The following ARHGAP11A variants were observed in gnomAD, a reference collection of about 807,000 sequenced individuals.
ARHGAP11A encodes the protein Rho GTPase activating protein 11A.
In ARHGAP11A, 36 loss-of-function variants were observed where a neutral mutation model predicts 60.5. The ratio of observed to expected loss-of-function variants is 0.59; its 90% confidence interval spans 0.46 to 0.79. The LOEUF is 0.79. Ranked by LOEUF, ARHGAP11A falls within the 30% of genes least tolerant of loss-of-function variation. The pLI, the probability that ARHGAP11A is intolerant of heterozygous loss-of-function variation, is 0.00. For synonymous variants in ARHGAP11A, 362 were observed against 415.5 expected, an observed-to-expected ratio of 0.87 and a Z score of 1.57; for missense variants, 1,071 against 1,199.2, an observed-to-expected ratio of 0.89 and a Z score of 1.58.
chr15:32,638,808 A>G lies in ARHGAP11A; in HGVS notation c.*963A>G, dbSNP rs1350131968. The G allele has an allele frequency of 6.5e-6, 1 of 152,682 alleles. No homozygotes were observed. Among genetic ancestry groups the G allele is most frequent in the African/African-American group, 2.4e-5 (1 of 41,460 alleles). The allele number at this position is 152,682 out of a possible 1,614,324, so 9.5% of individuals were successfully genotyped here. A position where few individuals can be genotyped will look rare whatever the true frequency, so the allele number is the denominator to read the frequency against. On this transcript the variant is annotated 3_prime_UTR_variant, in exon 12 of 12. Coordinates refer to ENST00000361627, the MANE Select transcript of ARHGAP11A (RefSeq NM_014783.6). ...TACTATGTTTTTAAAGATAATTTGC[A>G]CAAACACGTTTGTGTCTGTTCTGTC...
intron 6 of ARHGAP11A, among the ~76,000 whole-genome samples, chr15:32,627,034 A>T (rs1010413830): frequency 5.3e-5 from 8 of 152,202 alleles, no homozygotes; most frequent in African/African-American, 1.7e-4. Flanking sequence ...CCCAATGGAG[A>T]TATTTCTCAG....
rs2053129429 is a variant in ARHGAP11A, at chr15:32,615,999, G to A, written c.-213G>A. 6.3e-6 allele frequency: 4 copies of A among 639,730 alleles called. No homozygotes were observed. Among genetic ancestry groups the A allele is most frequent in the South Asian group, 4.4e-5 (2 of 45,780 alleles). 39.6% of individuals were successfully genotyped at this position (639,730 alleles called of 1,614,324 possible). On this transcript the variant is annotated 5_prime_UTR_variant, in exon 1 of 12. Transcript: ENST00000361627. ...GAGTGAGGTGTGGCTGGATCAAAGG[G>A]CTAAGAGAAGCGGGTCTGTGTAAGT...
chr15:32,636,515 G>T lies in ARHGAP11A; in HGVS notation c.1742G>T (p.Ser581Ile). The T allele has an allele frequency of 6.2e-7, 1 of 1,614,044 alleles. No homozygotes were observed. Among genetic ancestry groups the T allele is most frequent in the Non-Finnish European group, 8.5e-7 (1 of 1,179,956 alleles). The change falls in exon 12 of 12, where the codon AGT becomes ATT. Residue 581 changes from serine to isoleucine, a missense_variant. Coordinates refer to ENST00000361627, the MANE Select transcript of ARHGAP11A (RefSeq NM_014783.6). ...LNNKHNSNITSSPLSGDENNM... is the reference protein window; with the variant it reads ...LNNKHNSNITISPLSGDENNM... ...AATAAGCATAATAGCAACATAACAA[G>T]TAGCCCTCTTAGCGGGGATGAAAAT...
chr15:32,635,958 G>T (rs1283778637), intron 11 of ARHGAP11A, 43 bp downstream of exon 11: 2 of 1,530,208 alleles, frequency 1.3e-6, no homozygotes, highest in Middle Eastern at 1.8e-4. Flanking sequence ...TAAAAATCCT[G>T]CTTTAGTTGC....
In ARHGAP11A at chr15:32,639,410, T is replaced by C. The variant is rs2053797836; in HGVS notation, c.*1565T>C. On this transcript the variant is annotated 3_prime_UTR_variant, in exon 12 of 12. Coordinates refer to ENST00000361627, the MANE Select transcript of ARHGAP11A (RefSeq NM_014783.6). ...TTTGTTTATTTGATATCAAATAGGT[T>C]TGTAGATGTTTATGGCATTTCTAAT... is the stretch of plus-strand genomic sequence containing the variant. 6.6e-6 allele frequency: 1 copy of C among 152,226 alleles called. No homozygotes were observed. Among genetic ancestry groups the C allele is most frequent in the African/African-American group, 2.4e-5 (1 of 41,454 alleles). 9.4% of individuals were successfully genotyped at this position (152,226 alleles called of 1,614,324 possible). A position where few individuals can be genotyped will look rare whatever the true frequency, so the allele number is the denominator to read the frequency against.
chr15:32,637,472 C>T lies in ARHGAP11A; in HGVS notation c.2699C>T (p.Pro900Leu). The change falls in exon 12 of 12, where the codon CCT becomes CTT. Residue 900 changes from proline to leucine, a missense_variant. Pro to Leu is a moderately conservative substitution (Grantham distance 98, BLOSUM62 -3). Transcript: ENST00000361627. ...DSSVSCIKSG[P>L]KEQKSMSCEE... ...TCTGTTTCATGTATCAAATCAGGTCCTAAAGAACAGAAGTCCATGTCATGT... is the reference window on the plus strand; with the variant it reads ...TCTGTTTCATGTATCAAATCAGGTCTTAAAGAACAGAAGTCCATGTCATGT... 6.2e-7 allele frequency: 1 copy of T among 1,613,944 alleles called. No homozygotes were observed. The highest frequency in any genetic ancestry group is 8.5e-7 in the Non-Finnish European group (1 of 1,180,036).
In ARHGAP11A at chr15:32,615,965, G is replaced by A; in HGVS notation, c.-247G>A. 1 of 546,362 alleles carries A rather than the reference G, an allele frequency of 1.8e-6. No homozygotes were observed. The highest frequency in any genetic ancestry group is 2.9e-5 in the South Asian group (1 of 34,194). The allele number at this position is 546,362 out of a possible 1,614,324, so 33.8% of individuals were successfully genotyped here. ...GTGACCAGAAAGAAGGTCGGTGTAA[G>A]TGAAGGAAGAGTGAGGTGTGGCTGG... On this transcript the variant is annotated 5_prime_UTR_variant, in exon 1 of 12. The change creates a new upstream start codon in the 5' untranslated region. Coordinates refer to ENST00000361627, the MANE Select transcript of ARHGAP11A (RefSeq NM_014783.6).
chr15:32,617,219 T>TA (rs1191259887), intron 1 of ARHGAP11A, among the ~76,000 whole-genome samples: 2 of 152,096 alleles, frequency 1.3e-5, no homozygotes, highest in Non-Finnish European at 2.9e-5. Context: ...TATGGTTTCT[T>TA]AAAAAAAGTG....
intron 2 of ARHGAP11A, 126 bp downstream of exon 2, chr15:32,620,304 G>A (rs2053264752): frequency 6.5e-7 from 1 of 1,526,772 alleles, no homozygotes; most frequent in South Asian, 1.3e-5. Context: ...GGGCAACATG[G>A]TGAGACCTTG....
rs572412239 is a variant in ARHGAP11A, at chr15:32,626,251, C to T, written c.862+618C>T. Among the ~76,000 whole-genome samples the T allele has an allele frequency of 2.2e-4, 33 of 150,892 alleles. No individual in the cohort carries two copies. In the East Asian group the frequency reaches 5.7e-3, roughly 26 times the overall value. On this transcript the variant is annotated intron_variant, in intron 6 of 11. Coordinates refer to ENST00000361627, the MANE Select transcript of ARHGAP11A (RefSeq NM_014783.6). ...AGGGAGAATGGTCAGCAATGTGTGT[C>T]AGTAGTCCAGGCATCAGATTATTGT...
At chr15:32,626,640 C>T (rs2053464568) in intron 6 of ARHGAP11A, among the ~76,000 whole-genome samples, 2 of 152,318 alleles carry the variant, frequency 1.3e-5, no homozygotes, top group African/African-American at 4.8e-5. Context: ...AACTAGGTGG[C>T]TTAAATCAAC....
intron 10 of ARHGAP11A, among the ~76,000 whole-genome samples, chr15:32,634,455 A>G (rs1163110548): frequency 6.6e-6 from 1 of 152,198 alleles, no homozygotes; most frequent in Non-Finnish European, 1.5e-5. Context: ...CAAATACTTA[A>G]AAGCTTTGGA....
intron 2 of ARHGAP11A, among the ~76,000 whole-genome samples, chr15:32,621,431 C>G (rs2053302954): frequency 6.6e-6 from 1 of 152,160 alleles, no homozygotes; most frequent in Non-Finnish European, 1.5e-5. Flanking sequence ...CTCAGGTGAT[C>G]TACCTGCTTC....
At position 32,616,077 on chromosome 15, in the gene ARHGAP11A, C is replaced by T. The variant is rs575507338; in HGVS notation, c.-135C>T. The T allele has an allele frequency of 1.5e-6, 2 of 1,352,982 alleles. No homozygotes were observed. Among genetic ancestry groups the T allele is most frequent in the Admixed American group, 2.7e-5 (1 of 37,034 alleles). The allele number at this position is 1,352,982 out of a possible 1,614,324, so 83.8% of individuals were successfully genotyped here. On this transcript the variant is annotated 5_prime_UTR_variant, in exon 1 of 12. Transcript: ENST00000361627. The stretch of plus-strand genomic sequence containing the variant: ...CGTGGAAGTGGCCGGGGGTCGGGGC[C>T]GCAGAAGTGCCAGACGGGGCCGGAA...
At chr15:32,633,141 A>G (rs766841786) in intron 9 of ARHGAP11A, 33 bp downstream of exon 9, 1 of 1,611,926 alleles carries the variant, frequency 6.2e-7, no homozygotes, top group Non-Finnish European at 8.5e-7. Context: ...TTTTCATCGG[A>G]TAAATATTTG....
At chr15:32,628,664 A>G in intron 6 of ARHGAP11A, 64 bp from the exon 7 acceptor site, 2 of 1,270,548 alleles carry the variant, frequency 1.6e-6, no homozygotes, top group South Asian at 1.4e-5. Flanking sequence ...GCAAATATTA[A>G]TATGAATTAT....
intron 10 of ARHGAP11A, among the ~76,000 whole-genome samples, chr15:32,634,594 T>C (rs570493731): frequency 6.6e-6 from 1 of 152,354 alleles, no homozygotes; most frequent in South Asian, 2.1e-4. Context: ...TCTTAACATC[T>C]GCTTTTTTGA....
chr15:32,636,055 AT>A, intron 11 of ARHGAP11A, 140 bp downstream of exon 11: 1 of 1,378,930 alleles, frequency 7.3e-7, no homozygotes, highest in Admixed American at 3.4e-5. Context: ...AGAATTGGCA[AT>A]GTATTTTTCT....
Position 32,637,188 on chromosome 15 carries a change from A to G in ARHGAP11A, c.2415A>G (p.Arg805=), listed in dbSNP as rs750014571. 6.2e-7 allele frequency: 1 copy of G among 1,614,200 alleles called. No individual in the cohort carries two copies. The highest frequency in any genetic ancestry group is 8.5e-7 in the Non-Finnish European group (1 of 1,180,028). ...VSESSQMTEH[R]KVSDHIQWFN... is the part of the protein sequence containing the mutation. The stretch of plus-strand genomic sequence containing the variant: ...AAAGTTCACAAATGACAGAACATAG[A>G]AAGGTTTCTGATCACATACAGTGGT... Residue 805 remains arginine (R), a synonymous_variant, in exon 12 of 12, where the codon AGA becomes AGG. Coordinates refer to ENST00000361627, the MANE Select transcript of ARHGAP11A (RefSeq NM_014783.6).
Sources: gnomAD v4.1 joint callset for allele counts (sites outside exome capture counted in the v4.1 genomes callset) on GRCh38, gnomAD v4.1.1 for gene constraint, MANE v1.5 for transcripts, NCBI Gene and HGNC (gene_info 2026-07-23, HGNC 2026-07-21) for gene names.